Variants in ADAM20 observed in about 807,000 individuals in gnomAD.
The protein encoded by ADAM20 is ADAM metallopeptidase domain 20.
For missense variants in ADAM20, 871 were observed against 883.2 expected (o/e 0.99, Z 0.18); for synonymous variants, 305 against 310.2 (o/e 0.98, Z 0.18).
chr14:70,575,552 T>C, the ADAM20 span, among the ~76,000 whole-genome samples: 1 of 152,194 alleles, frequency 6.6e-6, no homozygotes, highest in Non-Finnish European at 1.5e-5. Context: ...TAATACCTTG[T>C]TCGTGGTAAT....
intron 1 of ADAM20, among the ~76,000 whole-genome samples, chr14:70,526,299 C>T (rs1883589514): frequency 6.6e-6 from 1 of 152,156 alleles, no homozygotes; most frequent in African/African-American, 2.4e-5. Context: ...TGTGCAACCT[C>T]CTTAGCATTA....
At chr14:70,553,525 T>TAAAA in the ADAM20 span, among the ~76,000 whole-genome samples, 79 of 56,966 alleles carry the variant, frequency 1.4e-3, no homozygotes, top group African/African-American at 4.7e-3. Context: ...GCAAAAATCC[T>TAAAA]AAAAAAAAAA....
At position 70,524,183 on chromosome 14, in the gene ADAM20, A is replaced by C. The variant is rs1167118000; in HGVS notation, c.575T>G (p.Phe192Cys). 6.2e-7 allele frequency: 1 copy of C among 1,613,898 alleles called. No individual in the cohort carries two copies. The highest frequency in any genetic ancestry group is 1.7e-5 in the Admixed American group (1 of 59,958). ...CACAAAAGAACTTTGCTTCAGAGTGAAATTATATGACAATTGCAACTCCAT... is the reference window on the plus strand; with the variant it reads ...CACAAAAGAACTTTGCTTCAGAGTGCAATTATATGACAATTGCAACTCCAT... ...HQMELQLSYN[F>C]TLKQSSFVGW... The change falls in exon 2 of 2, where the codon TTC (phenylalanine) becomes TGC (cysteine). Residue 192 changes from phenylalanine (F) to cysteine (C), a missense_variant. Coordinates refer to ENST00000256389, the MANE Select transcript of ADAM20 (RefSeq NM_003814.5).
the ADAM20 span, among the ~76,000 whole-genome samples, chr14:70,573,013 A>G: frequency 6.6e-6 from 1 of 152,184 alleles, no homozygotes; most frequent in Admixed American, 6.5e-5. Context: ...ACCCCTGTAG[A>G]AAAATAGTAT....
chr14:70,560,146 A>G, the ADAM20 span, among the ~76,000 whole-genome samples: 7,551 of 152,306 alleles, frequency 0.05, 365 homozygotes, highest in African/African-American at 0.13. Flanking sequence ...CTGGAGTATT[A>G]AAAGACATTC....
the ADAM20 span, among the ~76,000 whole-genome samples, chr14:70,558,495 G>A: frequency 2.0e-5 from 3 of 152,248 alleles, no homozygotes; most frequent in African/African-American, 7.2e-5. Flanking sequence ...GAATGTGTGT[G>A]TGTGTGTGTG....
chr14:70,525,308 G>A (rs1883566094), intron 1 of ADAM20, among the ~76,000 whole-genome samples: 1 of 152,062 alleles, frequency 6.6e-6, no homozygotes, highest in Non-Finnish European at 1.5e-5. Flanking sequence ...CAAAGTCCTA[G>A]ACTCACGAGA....
At chr14:70,533,591 T>C (rs1883762071) in intron 1 of ADAM20, among the ~76,000 whole-genome samples, 1 of 151,768 alleles carries the variant, frequency 6.6e-6, no homozygotes, top group African/African-American at 2.4e-5. Context: ...CACACACCAA[T>C]GCTTGTTGAG....
At chr14:70,567,714 C>T in the ADAM20 span, among the ~76,000 whole-genome samples, 2 of 152,058 alleles carry the variant, frequency 1.3e-5, no homozygotes, top group African/African-American at 4.8e-5. Context: ...AGAGAAATCA[C>T]AGAGTTGCCT....
the ADAM20 span, among the ~76,000 whole-genome samples, chr14:70,563,564 T>C: frequency 3.3e-5 from 5 of 152,210 alleles, no homozygotes; most frequent in African/African-American, 7.2e-5. Flanking sequence ...CTGCAACTCA[T>C]GTTGAAATGT....
chr14:70,543,875 C>T, the ADAM20 span, among the ~76,000 whole-genome samples: 1 of 152,174 alleles, frequency 6.6e-6, no homozygotes, highest in Admixed American at 6.5e-5. Flanking sequence ...GCAGGAGCAT[C>T]ACCATCTTGG....
the ADAM20 span, among the ~76,000 whole-genome samples, chr14:70,542,031 A>T: frequency 1.3e-5 from 2 of 152,226 alleles, no homozygotes; most frequent in African/African-American, 2.4e-5. Context: ...TAACTGCATG[A>T]ACTGAACTAA....
chr14:70,536,464 T>TAA (rs1883835007), upstream of ADAM20, among the ~76,000 whole-genome samples: 1 of 10,822 alleles, frequency 9.2e-5, no homozygotes, highest in Non-Finnish European at 1.6e-4. Flanking sequence ...AAACTCTGTC[T>TAA]CAAAAAAAAA....
the ADAM20 span, among the ~76,000 whole-genome samples, chr14:70,571,553 T>G: frequency 2.0e-5 from 3 of 152,232 alleles, no homozygotes; most frequent in African/African-American, 7.2e-5. Flanking sequence ...GTCTCAAGTA[T>G]GTCTTTATAA....
the ADAM20 span, among the ~76,000 whole-genome samples, chr14:70,574,626 C>T: frequency 1.1e-4 from 16 of 150,126 alleles, no homozygotes; most frequent in Non-Finnish European, 3.0e-5. Flanking sequence ...GGGGACAGAG[C>T]GAGACTCCGT....
At chr14:70,533,451 G>A (rs192840140) in intron 1 of ADAM20, among the ~76,000 whole-genome samples, 3 of 152,198 alleles carry the variant, frequency 2.0e-5, no homozygotes, top group Admixed American at 2.0e-4. Flanking sequence ...TGCTTTGCAG[G>A]GACATGGATG....
the ADAM20 span, among the ~76,000 whole-genome samples, chr14:70,557,919 T>G: frequency 6.6e-6 from 1 of 152,206 alleles, no homozygotes; most frequent in Non-Finnish European, 1.5e-5. Context: ...TTGTATTTAA[T>G]TGAAAGACAA....
upstream of ADAM20, among the ~76,000 whole-genome samples, chr14:70,538,434 C>T (rs1448133147): frequency 6.6e-6 from 1 of 152,104 alleles, no homozygotes; most frequent in African/African-American, 2.4e-5. Flanking sequence ...ACCCTCACCC[C>T]GATGAAAAAG....
At chr14:70,566,059 A>C in the ADAM20 span, among the ~76,000 whole-genome samples, 1 of 152,208 alleles carries the variant, frequency 6.6e-6, no homozygotes, top group Non-Finnish European at 1.5e-5. Context: ...CCTTATGAAA[A>C]ACGCTACATG....
Sources: allele counts gnomAD v4.1 joint callset (sites outside exome capture counted in the v4.1 genomes callset), GRCh38; gene constraint gnomAD v4.1.1; transcripts MANE v1.5; gene names NCBI Gene and HGNC (gene_info 2026-07-23, HGNC 2026-07-21).